TSHZ2: variants seen among roughly 807,000 people sequenced by gnomAD.
TSHZ2 encodes the protein teashirt zinc finger homeobox 2.
TSHZ2 carries 21 observed loss-of-function variants against 74.4 expected under a neutral mutation model. That is an observed-to-expected ratio of 0.28 (90% CI 0.20 to 0.41). The LOEUF (loss-of-function observed/expected upper bound fraction) is 0.41, where lower values mean the gene tolerates loss of function less well. TSHZ2 is among the 10% of genes least tolerant of loss of function. The pLI, the probability that TSHZ2 is intolerant of heterozygous loss-of-function variation, is 1.00. For missense variants in TSHZ2, 1,244 were observed against 1,293.5 expected (o/e 0.96, Z 0.59); for synonymous variants, 540 against 515.3 (o/e 1.05, Z -0.65).
intron 1 of TSHZ2, among the ~76,000 whole-genome samples, chr20:53,022,375 C>T (rs551687036): frequency 6.6e-6 from 1 of 152,232 alleles, no homozygotes; most frequent in East Asian, 1.9e-4. Context: ...AGTGTCTCTT[C>T]AAATTTACAG....
At chr20:53,211,428 G>A (rs1989301137) in intron 1 of TSHZ2, among the ~76,000 whole-genome samples, 1 of 151,900 alleles carries the variant, frequency 6.6e-6, no homozygotes, top group African/African-American at 2.4e-5. Flanking sequence ...TAGAATCAGA[G>A]GGATAAAAGG....
intron 1 of TSHZ2, among the ~76,000 whole-genome samples, chr20:53,013,360 T>G (rs1353838883): frequency 6.6e-6 from 1 of 152,202 alleles, no homozygotes; most frequent in Non-Finnish European, 1.5e-5. Context: ...CGAGCATTTT[T>G]TTTTTATCAT....
chr20:53,301,431 C>A (rs1206385618), intron 2 of TSHZ2, among the ~76,000 whole-genome samples: 5 of 152,128 alleles, frequency 3.3e-5, no homozygotes, highest in Admixed American at 2.0e-4. Context: ...TCCTCAACTG[C>A]AAAATGAAGA....
chr20:53,242,572 G>C (rs138720413), intron 1 of TSHZ2, among the ~76,000 whole-genome samples: 3 of 152,198 alleles, frequency 2.0e-5, no homozygotes. Flanking sequence ...TCACAATTGC[G>C]GGCTCCTGAG....
At chr20:53,002,923 G>A (rs1179194913) in intron 1 of TSHZ2, among the ~76,000 whole-genome samples, 1 of 152,120 alleles carries the variant, frequency 6.6e-6, no homozygotes, top group African/African-American at 2.4e-5. Context: ...TATTGATTAT[G>A]AGGCTTCATA....
intron 1 of TSHZ2, among the ~76,000 whole-genome samples, chr20:53,089,320 CTTT>C (rs5841928): frequency 2.3e-4 from 23 of 99,998 alleles, no homozygotes; most frequent in African/African-American, 7.4e-4. Flanking sequence ...ATGGGATTTT[CTTT>C]TTTTTTTTTT....
intron 1 of TSHZ2, among the ~76,000 whole-genome samples, chr20:53,078,561 T>C (rs1600679386): frequency 6.6e-6 from 1 of 152,234 alleles, no homozygotes; most frequent in Non-Finnish European, 1.5e-5. Context: ...AGTCACAGGA[T>C]TACATCATAA....
At chr20:53,214,803 T>C (rs1989396894) in intron 1 of TSHZ2, among the ~76,000 whole-genome samples, 1 of 152,168 alleles carries the variant, frequency 6.6e-6, no homozygotes, top group African/African-American at 2.4e-5. Flanking sequence ...AGTGCCTGCC[T>C]GTGCTTAGTA....
rs569970047 is a variant in TSHZ2, at chr20:53,027,453, A to T, written c.40+54120A>T. On this transcript the variant is annotated intron_variant, in intron 1 of 2. Transcript: ENST00000371497. ...AGAAAAAAATCATTTGTCAAGGAAAATGATGGCTAACCCTGAGGCTGAAGT... is the reference window on the plus strand; with the variant it reads ...AGAAAAAAATCATTTGTCAAGGAAATTGATGGCTAACCCTGAGGCTGAAGT... 2.0e-4 allele frequency among the ~76,000 whole-genome samples: 30 copies of T among 152,306 alleles called. 1 individual carries two copies. In the South Asian group the frequency reaches 5.0e-3, roughly 25 times the overall value.
intron 1 of TSHZ2, among the ~76,000 whole-genome samples, chr20:53,229,176 A>G (rs1000542988): frequency 6.6e-6 from 1 of 152,134 alleles, no homozygotes; most frequent in Non-Finnish European, 1.5e-5. Context: ...ATTGGCTATG[A>G]AAGCTCAGTA....
At chr20:53,306,532 G>A (rs1003552816) in intron 2 of TSHZ2, among the ~76,000 whole-genome samples, 3 of 152,036 alleles carry the variant, frequency 2.0e-5, no homozygotes, top group Non-Finnish European at 2.9e-5. Flanking sequence ...TTGCTGCTGC[G>A]TCTCAATGCT....
At chr20:53,138,458 C>G (rs1256653905) in intron 1 of TSHZ2, among the ~76,000 whole-genome samples, 2 of 151,814 alleles carry the variant, frequency 1.3e-5, no homozygotes, top group African/African-American at 4.8e-5. Context: ...ACCTTAAGGT[C>G]TGCCTATTCT....
chr20:53,047,287 G>A (rs754497948), intron 1 of TSHZ2, among the ~76,000 whole-genome samples: 1 of 152,120 alleles, frequency 6.6e-6, no homozygotes, highest in South Asian at 2.1e-4. Flanking sequence ...TGATATAAAA[G>A]TCTCGGTAAG....
At chr20:53,017,962 G>C (rs192433645) in intron 1 of TSHZ2, among the ~76,000 whole-genome samples, 2 of 152,222 alleles carry the variant, frequency 1.3e-5, no homozygotes, top group East Asian at 3.9e-4. Context: ...TAAAATCATG[G>C]AACTTACCTA....
At chr20:53,318,081 A>G (rs1376744623) in intron 2 of TSHZ2, among the ~76,000 whole-genome samples, 1 of 152,264 alleles carries the variant, frequency 6.6e-6, no homozygotes, top group Non-Finnish European at 1.5e-5. Flanking sequence ...GAACAGGTCG[A>G]ATGTAATACA....
chr20:53,040,518 G>A (rs1467830585), intron 1 of TSHZ2, among the ~76,000 whole-genome samples: 1 of 152,070 alleles, frequency 6.6e-6, no homozygotes, highest in Non-Finnish European at 1.5e-5. Context: ...CAGAGAAGCT[G>A]GGATACAAAC....
At chr20:53,249,814 G>C (rs1370140187) in intron 1 of TSHZ2, among the ~76,000 whole-genome samples, 1 of 152,164 alleles carries the variant, frequency 6.6e-6, no homozygotes, top group East Asian at 1.9e-4. Context: ...AGATTTTATT[G>C]CAAGTGCAAC....
intron 1 of TSHZ2, among the ~76,000 whole-genome samples, chr20:53,197,853 C>T (rs1301069591): frequency 6.6e-6 from 1 of 152,144 alleles, no homozygotes; most frequent in Admixed American, 6.5e-5. Context: ...CATTTTTCAG[C>T]TCAACTCAAA....
chr20:53,304,111 C>T (rs1978419307), intron 2 of TSHZ2, among the ~76,000 whole-genome samples: 1 of 151,546 alleles, frequency 6.6e-6, no homozygotes. Context: ...CATATGTATA[C>T]ATGTGCCATG....
Sources: gnomAD v4.1 joint callset for allele counts (sites outside exome capture counted in the v4.1 genomes callset) on GRCh38, gnomAD v4.1.1 for gene constraint, MANE v1.5 for transcripts, NCBI Gene and HGNC (gene_info 2026-07-23, HGNC 2026-07-21) for gene names.